The following BMPER variants were observed in gnomAD, a reference collection of about 807,000 sequenced individuals.
The protein encoded by BMPER is BMP binding endothelial regulator, also known as BMP-binding endothelial regulator protein.
BMPER carries 45 observed loss-of-function variants against 87.3 expected under a neutral mutation model. The ratio of observed to expected loss-of-function variants is 0.52; its 90% confidence interval spans 0.41 to 0.66. BMPER has a LOEUF of 0.66. BMPER is among the 30% of genes least tolerant of loss of function. BMPER has a pLI of 0.00. For missense variants in BMPER, 784 were observed against 867.5 expected (o/e 0.90, Z 1.21); for synonymous variants, 326 against 316.2 (o/e 1.03, Z -0.33).
chr7:33,930,905 G>A (rs755967374), intron 2 of BMPER, among the ~76,000 whole-genome samples: 5 of 152,230 alleles, frequency 3.3e-5, no homozygotes, highest in African/African-American at 1.2e-4. Context: ...AGCCATGGTT[G>A]TGCCTCTGCA....
At chr7:33,963,832 G>C (rs758816210) in intron 3 of BMPER, among the ~76,000 whole-genome samples, 16 of 151,966 alleles carry the variant, frequency 1.1e-4, no homozygotes, top group Admixed American at 2.0e-4. Context: ...AAACAAAACT[G>C]GTCTCTCACT....
intron 8 of BMPER, among the ~76,000 whole-genome samples, chr7:34,053,563 G>A (rs988987198): frequency 6.6e-6 from 1 of 152,126 alleles, no homozygotes; most frequent in African/African-American, 2.4e-5. Context: ...CACATATTTT[G>A]TATGTTCTAT....
chr7:34,103,749 T>G (rs1281666014), intron 13 of BMPER, among the ~76,000 whole-genome samples: 2 of 152,156 alleles, frequency 1.3e-5, no homozygotes, highest in Non-Finnish European at 2.9e-5. Context: ...CAGGGGAGCA[T>G]GTTTACAGGT....
At chr7:34,062,102 G>T in intron 11 of BMPER, 55 bp downstream of exon 11, 1 of 1,514,464 alleles carries the variant, frequency 6.6e-7, no homozygotes, top group Non-Finnish European at 9.1e-7. Flanking sequence ...ATTTTATAGT[G>T]CAACAAGAAA....
chr7:34,152,992 G>A (rs1791217916), intron 14 of BMPER, 100 bp from the exon 15 acceptor site: 7 of 1,343,436 alleles, frequency 5.2e-6, no homozygotes, highest in Admixed American at 1.7e-5. Context: ...CTATGGAAAC[G>A]TCCATGAAGT....
chr7:34,004,203 T>C (rs115224014), intron 6 of BMPER, among the ~76,000 whole-genome samples: 57 of 152,264 alleles, frequency 3.7e-4, no homozygotes, highest in African/African-American at 1.3e-3. Flanking sequence ...GAATTTTTCA[T>C]TACAGTTATT....
intron 6 of BMPER, among the ~76,000 whole-genome samples, chr7:34,006,133 C>A (rs1786727009): frequency 6.6e-6 from 1 of 151,700 alleles, no homozygotes; most frequent in Non-Finnish European, 1.5e-5. Context: ...CTAATTCCAC[C>A]CTTTGTAAAA....
chr7:34,039,644 T>G, intron 6 of BMPER, among the ~76,000 whole-genome samples: 1 of 127,396 alleles, frequency 7.8e-6, no homozygotes, highest in East Asian at 2.6e-4. Flanking sequence ...ACACACACAC[T>G]TATACCACTG....
chr7:34,112,364 T>C (rs889956194), intron 13 of BMPER, among the ~76,000 whole-genome samples: 6 of 151,028 alleles, frequency 4.0e-5, no homozygotes, highest in African/African-American at 4.9e-5. Flanking sequence ...GGCGTGGTGG[T>C]GGGCGCCTGT....
intron 3 of BMPER, among the ~76,000 whole-genome samples, chr7:33,938,547 A>G (rs1006182934): frequency 1.4e-4 from 21 of 152,148 alleles, no homozygotes. Flanking sequence ...GCAAGGGGTG[A>G]TTCTTCCCAA....
intron 6 of BMPER, among the ~76,000 whole-genome samples, chr7:33,996,512 A>G (rs577742159): frequency 6.6e-6 from 1 of 152,314 alleles, no homozygotes; most frequent in South Asian, 2.1e-4. Flanking sequence ...ACAGAAGGCT[A>G]TGCATAGGGA....
chr7:33,954,666 A>G (rs1355741215), intron 3 of BMPER, among the ~76,000 whole-genome samples: 1 of 152,240 alleles, frequency 6.6e-6, no homozygotes, highest in African/African-American at 2.4e-5. Flanking sequence ...TTGTTGATAA[A>G]CTAAAATTCA....
intron 6 of BMPER, among the ~76,000 whole-genome samples, chr7:34,033,843 T>C (rs1256890719): frequency 1.3e-5 from 2 of 152,238 alleles, no homozygotes; most frequent in Non-Finnish European, 2.9e-5. Flanking sequence ...AGGGTACTTC[T>C]GGTAAGCCCT....
intron 13 of BMPER, among the ~76,000 whole-genome samples, chr7:34,122,128 A>G (rs1402859587): frequency 3.9e-5 from 6 of 152,160 alleles, no homozygotes; most frequent in Admixed American, 3.3e-4. Flanking sequence ...GGGCTGGGGC[A>G]GAAATCTGTT....
intron 13 of BMPER, among the ~76,000 whole-genome samples, chr7:34,129,682 A>G (rs565945310): frequency 2.6e-4 from 39 of 151,556 alleles, no homozygotes; most frequent in South Asian, 1.0e-3. Context: ...GAAAGAAAGA[A>G]AACCTGCCAT....
intron 6 of BMPER, among the ~76,000 whole-genome samples, chr7:34,028,601 G>GTTT: frequency 0.056 from 2,016 of 36,036 alleles, 154 homozygotes; most frequent in Middle Eastern, 0.11. Context: ...CATTTTTTCT[G>GTTT]TTTTTTTTTT....
intron 12 of BMPER, among the ~76,000 whole-genome samples, chr7:34,082,762 A>C (rs1475230007): frequency 1.3e-5 from 2 of 152,152 alleles, no homozygotes; most frequent in Non-Finnish European, 2.9e-5. Context: ...TTAGTATAGC[A>C]TTGTCAGTAG....
At chr7:34,017,567 C>T (rs2127944633) in intron 6 of BMPER, among the ~76,000 whole-genome samples, 1 of 151,932 alleles carries the variant, frequency 6.6e-6, no homozygotes, top group East Asian at 1.9e-4. Flanking sequence ...ATGGGAGCTA[C>T]AGTTCAAGAT....
intron 2 of BMPER, among the ~76,000 whole-genome samples, chr7:33,923,278 C>G (rs191047012): frequency 1.2e-4 from 18 of 152,250 alleles, no homozygotes; most frequent in African/African-American, 4.1e-4. Flanking sequence ...TTTCCCTTTC[C>G]CTTTCTTTCT....
Sources: gnomAD v4.1 joint callset for allele counts (sites outside exome capture counted in the v4.1 genomes callset) on GRCh38, gnomAD v4.1.1 for gene constraint, MANE v1.5 for transcripts, NCBI Gene and HGNC (gene_info 2026-07-23, HGNC 2026-07-21) for gene names.